The following TRIOBP variants were observed in gnomAD, a reference collection of about 807,000 sequenced individuals.
The protein encoded by TRIOBP is TRIO and F-actin-binding protein.
TRIOBP carries 169 observed loss-of-function variants against 238.8 expected under a neutral mutation model. The observed-to-expected ratio is 0.71, with a 90% CI of 0.62 to 0.80. TRIOBP has a LOEUF of 0.80. Among genes scored for constraint, TRIOBP ranks in the 30% least tolerant of loss-of-function variants. TRIOBP has a pLI of 0.00. For missense variants in TRIOBP, 2,838 were observed against 3,122.6 expected (o/e 0.91, Z 2.17); for synonymous variants, 1,150 against 1,274.4 (o/e 0.90, Z 2.08).
chr22:37,707,136 T>A (rs1482540948), intron 3 of TRIOBP, among the ~76,000 whole-genome samples: 1 of 151,610 alleles, frequency 6.6e-6, no homozygotes, highest in African/African-American at 2.4e-5. Flanking sequence ...ATTAACAGGG[T>A]GTGGTGGCGG....
In TRIOBP at chr22:37,725,524, C is replaced by T. The variant is rs1228392408; in HGVS notation, c.2968C>T (p.Arg990Ter). 8.7e-6 allele frequency: 14 copies of T among 1,613,656 alleles called. No individual in the cohort carries two copies. The highest frequency in any genetic ancestry group is 2.2e-5 in the East Asian group (1 of 44,872). Reference protein sequence around the residue: ...SHNPGHQSTSRTSSPVYPAAY... With the variant: ...SHNPGHQSTS ...TAACCCAGGCCACCAGAGCACCTCC[C>T]GAACTTCCTCACCTGTGTACCCCGC... is the stretch of plus-strand genomic sequence containing the variant. Residue 990 changes from arginine (R) to a stop codon, truncating the protein, a stop_gained, in exon 7 of 24, where the codon CGA (arginine) becomes TGA (stop). Coordinates refer to ENST00000644935, the MANE Select transcript of TRIOBP (RefSeq NM_001039141.3). LOFTEE classifies it high-confidence loss of function.
rs948066051 is a variant in TRIOBP, at chr22:37,759,047, C to A, written c.6214-107C>A. The A allele has an allele frequency of 2.1e-5, 20 of 932,112 alleles. No individual in the cohort carries two copies. The East Asian group carries it at 5.3e-4, about 25-fold the overall frequency. The allele number at this position is 932,112 out of a possible 1,614,324, so 57.7% of individuals were successfully genotyped here. ...GAGGCATTCCTAAGCCTTCCAGGGA[C>A]GCTGGGCTTGTATCCGTGTGGAGCT... is the stretch of plus-strand genomic sequence containing the variant. On this transcript the variant is annotated intron_variant, in intron 16 of 23. Coordinates refer to ENST00000644935, the MANE Select transcript of TRIOBP (RefSeq NM_001039141.3).
intron 11 of TRIOBP, among the ~76,000 whole-genome samples, chr22:37,749,792 A>G (rs1925486362): frequency 6.6e-6 from 1 of 151,614 alleles, no homozygotes. Context: ...ACAAAAAAAA[A>G]AAAAAAAAAA....
intron 17 of TRIOBP, among the ~76,000 whole-genome samples, chr22:37,764,727 A>G (rs907678906): frequency 2.0e-5 from 3 of 152,312 alleles, no homozygotes; most frequent in Admixed American, 6.5e-5. Context: ...AGTCTGAGAT[A>G]CTTGCCCATC....
intron 12 of TRIOBP, among the ~76,000 whole-genome samples, chr22:37,753,364 T>A (rs919110288): frequency 6.6e-6 from 1 of 151,934 alleles, no homozygotes; most frequent in Admixed American, 6.6e-5. Context: ...GTCTTCCGCC[T>A]CCCGGGTTCA....
chr22:37,774,844 TGAGA>T lies in TRIOBP; in HGVS notation c.*1070_*1073del, dbSNP rs999446484. 6.6e-6 allele frequency: 1 copy of T among 152,220 alleles called. No homozygotes were observed. Among genetic ancestry groups the T allele is most frequent in the East Asian group, 1.9e-4 (1 of 5,192 alleles). 9.4% of individuals were successfully genotyped at this position (152,220 alleles called of 1,614,324 possible). A position where few individuals can be genotyped will look rare whatever the true frequency, so the allele number is the denominator to read the frequency against. On this transcript the variant is annotated 3_prime_UTR_variant, in exon 24 of 24. Transcript: ENST00000644935. Reference sequence around the variant, plus strand: ...TGGAGTAGGGCCCAGGGCCCAGGCCTGAGAGAGAGGCCTGGGGCTAAGACTAGCC... The same window carrying T: ...TGGAGTAGGGCCCAGGGCCCAGGCCTGAGAGGCCTGGGGCTAAGACTAGCC...
At chr22:37,764,607 T>C (rs1468956266) in intron 17 of TRIOBP, among the ~76,000 whole-genome samples, 2 of 152,228 alleles carry the variant, frequency 1.3e-5, no homozygotes, top group African/African-American at 4.8e-5. Context: ...GGATCATTTC[T>C]GGGAGTGAAC....
At position 37,725,691 on chromosome 22, in the gene TRIOBP, C is replaced by G. The variant is rs1427601219; in HGVS notation, c.3135C>G (p.Arg1045=). The G allele has an allele frequency of 1.1e-5, 17 of 1,612,988 alleles. No individual in the cohort carries two copies. The highest frequency in any genetic ancestry group is 1.4e-5 in the Non-Finnish European group (17 of 1,179,760). The change falls in exon 7 of 24, where the codon CGC becomes CGG. Residue 1045 remains arginine (R), a synonymous_variant. Transcript: ENST00000644935. Reference sequence around the variant, plus strand: ...CCTTCCCCTTCTTCCCAGAGCCCCGCGCCCCTGAGAGTGAACCGCCCCACC... The same window carrying G: ...CCTTCCCCTTCTTCCCAGAGCCCCGGGCCCCTGAGAGTGAACCGCCCCACC... ...HDPFPFFPEP[R]APESEPPHHE... is the part of the protein sequence containing the mutation.
At chr22:37,743,831 G>C in intron 11 of TRIOBP, among the ~76,000 whole-genome samples, 1 of 128,824 alleles carries the variant, frequency 7.8e-6, no homozygotes, top group East Asian at 2.2e-4. Flanking sequence ...GTGTGTGTGT[G>C]TGTGTGTGTG....
chr22:37,746,292 C>T, intron 11 of TRIOBP: 1 of 1,083,616 alleles, frequency 9.2e-7, no homozygotes, highest in Non-Finnish European at 1.1e-6. Context: ...GCCGGAGGCG[C>T]GGCGGCGGGC....
At position 37,724,544 on chromosome 22, in the gene TRIOBP, C is replaced by A. The variant is rs781382010; in HGVS notation, c.1988C>A (p.Pro663His). 1 of 1,601,440 alleles carries A rather than the reference C, an allele frequency of 6.2e-7. No individual in the cohort carries two copies. Among genetic ancestry groups the A allele is most frequent in the East Asian group, 2.2e-5 (1 of 44,546 alleles). The change falls in exon 7 of 24, where the codon CCT (proline) becomes CAT (histidine). Residue 663 changes from proline (P) to histidine (H), a missense_variant. By Grantham distance (77) the Pro-to-His change is moderately conservative (BLOSUM62 -2). Transcript: ENST00000644935. ...CGGGACGATCCCAGAGCCTCCTCTCCTAACAGAACCATCCAACAAGAGAAC... is the reference window on the plus strand; with the variant it reads ...CGGGACGATCCCAGAGCCTCCTCTCATAACAGAACCATCCAACAAGAGAAC... ...ARRDDPRASS[P>H]NRTIQQENPR...
intron 2 of TRIOBP, among the ~76,000 whole-genome samples, chr22:37,698,018 T>C (rs1293831431): frequency 1.3e-5 from 2 of 151,122 alleles, no homozygotes; most frequent in Admixed American, 6.6e-5. Flanking sequence ...GCCCATATGG[T>C]GAAACCTCGT....
chr22:37,762,281 G>T (rs1263494608), intron 17 of TRIOBP, among the ~76,000 whole-genome samples: 1 of 152,134 alleles, frequency 6.6e-6, no homozygotes, highest in East Asian at 1.9e-4. Flanking sequence ...CCCTGGGCTG[G>T]TCTTGAACTC....
chr22:37,731,146 C>CT (rs992925067), intron 7 of TRIOBP, among the ~76,000 whole-genome samples: 4 of 150,802 alleles, frequency 2.7e-5, no homozygotes, highest in South Asian at 2.1e-4. Flanking sequence ...CAACCCCATA[C>CT]TTTTTTTTTG....
In TRIOBP at chr22:37,724,495, A is replaced by G; in HGVS notation, c.1939A>G (p.Ser647Gly). ...SSPNRTTQQD[S>G]PRTSCARRDD... ...TCCCAACAGAACCACCCAACAAGACAGCCCCAGAACATCCTGTGCCCGACG... is the reference window on the plus strand; with the variant it reads ...TCCCAACAGAACCACCCAACAAGACGGCCCCAGAACATCCTGTGCCCGACG... The change falls in exon 7 of 24, where the codon AGC becomes GGC. Residue 647 changes from serine to glycine, a missense_variant. Around this residue, in one of 5 missense-constraint regions of TRIOBP, gnomAD observed 167 missense variants for 200.2 expected, o/e 0.83. Transcript: ENST00000644935. 6.2e-7 allele frequency: 1 copy of G among 1,610,230 alleles called. No individual in the cohort carries two copies. The highest frequency in any genetic ancestry group is 8.5e-7 in the Non-Finnish European group (1 of 1,178,472).
At chr22:37,723,118 G>A in intron 6 of TRIOBP, 67 bp from the exon 7 acceptor site, 2 of 1,554,684 alleles carry the variant, frequency 1.3e-6, no homozygotes, top group Admixed American at 3.4e-5. Flanking sequence ...AAGGGACAAA[G>A]AAAGGTAGAA....
At position 37,742,968 on chromosome 22, in the gene TRIOBP, G is replaced by C. The variant is rs1036669214; in HGVS notation, c.5322+1936G>C. ...CAGGTCACACAGGGAGCAAGGGGCA[G>C]AACTGAGATTCAGACCCTGCTCTGG... On this transcript the variant is annotated intron_variant, in intron 11 of 23. Transcript: ENST00000644935. Among the ~76,000 whole-genome samples the C allele has an allele frequency of 2.0e-5, 3 of 152,174 alleles. No individual in the cohort carries two copies. The South Asian group carries it at 6.2e-4, about 31-fold the overall frequency.
chr22:37,757,257 A>G (rs1040870619), intron 15 of TRIOBP, among the ~76,000 whole-genome samples: 6 of 152,108 alleles, frequency 3.9e-5, no homozygotes, highest in African/African-American at 1.4e-4. Flanking sequence ...CAGCTACTCC[A>G]GAGGCCGAGG....
chr22:37,741,638 C>T (rs1259247624), intron 11 of TRIOBP, among the ~76,000 whole-genome samples: 1 of 152,204 alleles, frequency 6.6e-6, no homozygotes, highest in Non-Finnish European at 1.5e-5. Flanking sequence ...TCTTACTCAC[C>T]GCTGTTGGCT....
Sources: allele counts gnomAD v4.1 joint callset (sites outside exome capture counted in the v4.1 genomes callset), GRCh38; gene constraint gnomAD v4.1.1; regional missense constraint gnomAD v4.1.1; transcripts MANE v1.5; gene names NCBI Gene and HGNC (gene_info 2026-07-23, HGNC 2026-07-21).